The following TMC1 variants were observed in gnomAD, a reference collection of about 807,000 sequenced individuals.
TMC1 encodes transmembrane channel like 1.
A neutral mutation model predicts 105.8 loss-of-function variants in TMC1; 84 were observed. The ratio of observed to expected loss-of-function variants is 0.79; its 90% confidence interval spans 0.67 to 0.95. The LOEUF is 0.95. Ranked by LOEUF, TMC1 falls within the 40% of genes least tolerant of loss-of-function variation. The pLI is 0.00. For synonymous variants in TMC1, 315 were observed against 311.5 expected (o/e 1.01, Z -0.12); for missense variants, 817 against 914.1 (o/e 0.89, Z 1.37).
At chr9:72,834,235 G>A (rs1412458176) in intron 23 of TMC1, among the ~76,000 whole-genome samples, 4 of 151,604 alleles carry the variant, frequency 2.6e-5, no homozygotes, top group Non-Finnish European at 5.9e-5. Context: ...TTGTTTAATG[G>A]CTGCAATGGC....
At chr9:72,787,348 G>A (rs956342255) in intron 13 of TMC1, among the ~76,000 whole-genome samples, 1 of 152,118 alleles carries the variant, frequency 6.6e-6, no homozygotes, top group Non-Finnish European at 1.5e-5. Context: ...AAATGTATGA[G>A]CCTCCATGAT....
chr9:72,705,456 A>C (rs555015586), intron 8 of TMC1, among the ~76,000 whole-genome samples: 1 of 152,088 alleles, frequency 6.6e-6, no homozygotes, highest in Admixed American at 6.6e-5. Context: ...GCTATCCTCC[A>C]AAGTCAAGCA....
intron 5 of TMC1, among the ~76,000 whole-genome samples, chr9:72,671,525 G>A (rs1826127169): frequency 6.6e-6 from 1 of 152,114 alleles, no homozygotes; most frequent in Non-Finnish European, 1.5e-5. Flanking sequence ...TACCATAAAG[G>A]TGGTAAAATG....
chr9:72,811,564 C>T (rs1828705337), intron 18 of TMC1, among the ~76,000 whole-genome samples: 1 of 152,110 alleles, frequency 6.6e-6, no homozygotes, highest in Non-Finnish European at 1.5e-5. Flanking sequence ...TTTTCATTGA[C>T]ACCATTCTTA....
At chr9:72,543,907 C>T (rs557088410) in intron 1 of TMC1, among the ~76,000 whole-genome samples, 1 of 151,068 alleles carries the variant, frequency 6.6e-6, no homozygotes. Context: ...CAGTGACTTT[C>T]CTTCCTAAAA....
chr9:72,736,810 T>C (rs534024267), intron 8 of TMC1, among the ~76,000 whole-genome samples: 15 of 152,254 alleles, frequency 9.9e-5, no homozygotes, highest in African/African-American at 3.1e-4. Context: ...CCCGACACTA[T>C]GCAAAATTGG....
chr9:72,546,704 C>T (rs1266212236), intron 1 of TMC1, among the ~76,000 whole-genome samples: 1 of 152,178 alleles, frequency 6.6e-6, no homozygotes, highest in Non-Finnish European at 1.5e-5. Context: ...TTTTTCAAAG[C>T]TGTTTCTATC....
At chr9:72,787,909 G>A (rs979334390) in intron 13 of TMC1, among the ~76,000 whole-genome samples, 3 of 152,230 alleles carry the variant, frequency 2.0e-5, no homozygotes, top group Admixed American at 2.0e-4. Context: ...GCTTCAGATG[G>A]TCTGGGAACC....
intron 2 of TMC1, among the ~76,000 whole-genome samples, chr9:72,601,609 C>T (rs1824817242): frequency 6.6e-6 from 1 of 152,160 alleles, no homozygotes; most frequent in Non-Finnish European, 1.5e-5. Context: ...CGTGCTCCTG[C>T]ACTCCAGTCT....
intron 1 of TMC1, among the ~76,000 whole-genome samples, chr9:72,538,627 TG>T (rs1823626210): frequency 6.6e-6 from 1 of 152,032 alleles, no homozygotes; most frequent in African/African-American, 2.4e-5. Flanking sequence ...TTAGTAGAGA[TG>T]GGGTTTCACC....
At chr9:72,556,672 A>T (rs1823946286) in intron 1 of TMC1, among the ~76,000 whole-genome samples, 1 of 151,608 alleles carries the variant, frequency 6.6e-6, no homozygotes, top group Admixed American at 6.6e-5. Flanking sequence ...TACAAAAAAA[A>T]TTAGCCAGGT....
At chr9:72,664,899 C>T (rs1192224489) in intron 5 of TMC1, among the ~76,000 whole-genome samples, 1 of 152,168 alleles carries the variant, frequency 6.6e-6, no homozygotes, top group Non-Finnish European at 1.5e-5. Flanking sequence ...TGTAGCACAC[C>T]CACTGGGGCT....
At chr9:72,769,314 C>T (rs1246271578) in intron 12 of TMC1, among the ~76,000 whole-genome samples, 2 of 152,142 alleles carry the variant, frequency 1.3e-5, no homozygotes, top group Non-Finnish European at 2.9e-5. Context: ...TGTGAGCTCA[C>T]CGGAAATATA....
intron 18 of TMC1, among the ~76,000 whole-genome samples, chr9:72,806,028 T>A (rs1415943829): frequency 6.6e-6 from 1 of 152,084 alleles, no homozygotes; most frequent in Non-Finnish European, 1.5e-5. Flanking sequence ...GCCGCCATTG[T>A]CATCCGGGCC....
intron 5 of TMC1, among the ~76,000 whole-genome samples, chr9:72,681,984 A>G (rs1282634460): frequency 6.6e-6 from 1 of 152,142 alleles, no homozygotes; most frequent in African/African-American, 2.4e-5. Flanking sequence ...AGTGTAATCT[A>G]GAAGGGAAAA....
chr9:72,577,029 A>G (rs1476583871), intron 1 of TMC1, among the ~76,000 whole-genome samples: 3 of 152,012 alleles, frequency 2.0e-5, no homozygotes, highest in Non-Finnish European at 4.4e-5. Context: ...ATCTTACAGA[A>G]ATTATTCTCG....
At chr9:72,559,947 AT>A (rs1370119668) in intron 1 of TMC1, among the ~76,000 whole-genome samples, 1 of 152,234 alleles carries the variant, frequency 6.6e-6, no homozygotes, top group Non-Finnish European at 1.5e-5. Flanking sequence ...GGAAACTGTT[AT>A]TTTGGAACAA....
chr9:72,819,673 A>G (rs530825189), intron 19 of TMC1, among the ~76,000 whole-genome samples: 15 of 152,334 alleles, frequency 9.8e-5, no homozygotes, highest in African/African-American at 3.6e-4. Context: ...GTTCAATTAT[A>G]GTGGAAACTA....
rs1249691731 is a variant in TMC1, at chr9:72,792,236, G to A, written c.1450G>A (p.Ala484Thr). Residue 484 changes from alanine (A) to threonine (T), a missense_variant, in exon 17 of 24, where the codon GCC (alanine) becomes ACC (threonine). Physicochemically the swap from Ala to Thr is moderately conservative, Grantham distance 58. Transcript: ENST00000297784. ...LVKANITLWE[A>T]NMIKAYNASF... Reference sequence around the variant, plus strand: ...AAAGGCCAATATTACCCTTTGGGAAGCCAATATGATCAAGGCCTACAATGC... The same window carrying A: ...AAAGGCCAATATTACCCTTTGGGAAACCAATATGATCAAGGCCTACAATGC... 9.3e-6 allele frequency: 15 copies of A among 1,614,032 alleles called. No individual in the cohort carries two copies. Among genetic ancestry groups the A allele is most frequent in the Non-Finnish European group, 1.2e-5 (14 of 1,180,024 alleles).
Sources: gnomAD v4.1 joint callset for allele counts (sites outside exome capture counted in the v4.1 genomes callset) on GRCh38, gnomAD v4.1.1 for gene constraint, MANE v1.5 for transcripts, NCBI Gene and HGNC (gene_info 2026-07-23, HGNC 2026-07-21) for gene names.